The following GPC6 variants were observed in gnomAD, a reference collection of about 807,000 sequenced individuals.
The protein encoded by GPC6 is glypican 6, also known as glypican-6.
A neutral mutation model predicts 55.2 loss-of-function variants in GPC6; 14 were observed. That is an observed-to-expected ratio of 0.25 (90% confidence interval 0.17 to 0.40). GPC6 has a LOEUF of 0.40. Among genes scored for constraint, GPC6 ranks in the 10% least tolerant of loss-of-function variants. The pLI, the probability that GPC6 is intolerant of heterozygous loss-of-function variation, is 1.00. For synonymous variants in GPC6, 278 were observed against 259.6 expected (o/e 1.07, Z -0.68); for missense variants, 641 against 708.5 (o/e 0.90, Z 1.08).
chr13:93,924,262 G>C (rs1877731624), intron 3 of GPC6, among the ~76,000 whole-genome samples: 1 of 152,182 alleles, frequency 6.6e-6, no homozygotes, highest in Non-Finnish European at 1.5e-5. Context: ...TCCCAGCTCT[G>C]TGGCTGCTGG....
At chr13:93,441,418 T>A (rs1051106990) in intron 1 of GPC6, among the ~76,000 whole-genome samples, 5 of 152,172 alleles carry the variant, frequency 3.3e-5, no homozygotes, top group African/African-American at 1.2e-4. Flanking sequence ...CTCATTGTGG[T>A]TTTGATTTGC....
At chr13:94,051,917 G>C (rs997006599) in intron 4 of GPC6, among the ~76,000 whole-genome samples, 1 of 152,038 alleles carries the variant, frequency 6.6e-6, no homozygotes, top group East Asian at 1.9e-4. Flanking sequence ...AAAGTGTTTT[G>C]ATTCAACAAT....
intron 2 of GPC6, among the ~76,000 whole-genome samples, chr13:93,714,722 A>T (rs1167289145): frequency 2.6e-5 from 4 of 151,658 alleles, no homozygotes; most frequent in Non-Finnish European, 5.9e-5. Context: ...AGTAAAGTTT[A>T]TTGGAGTGCT....
chr13:93,233,472 T>A (rs1876131150), intron 1 of GPC6, among the ~76,000 whole-genome samples: 1 of 152,206 alleles, frequency 6.6e-6, no homozygotes, highest in Non-Finnish European at 1.5e-5. Flanking sequence ...ATTGTATACC[T>A]ACTATGGGTA....
intron 4 of GPC6, among the ~76,000 whole-genome samples, chr13:94,267,111 A>G (rs1891843119): frequency 6.6e-6 from 1 of 152,186 alleles, no homozygotes; most frequent in African/African-American, 2.4e-5. Flanking sequence ...ACCAACAACA[A>G]AAATGGAAGT....
chr13:93,980,410 A>G (rs1374385866), intron 3 of GPC6, among the ~76,000 whole-genome samples: 4 of 152,278 alleles, frequency 2.6e-5, no homozygotes, highest in African/African-American at 9.6e-5. Context: ...TAGGCAAAAA[A>G]TGGTAATAAA....
At chr13:93,576,116 G>T (rs1037087850) in intron 2 of GPC6, among the ~76,000 whole-genome samples, 11 of 152,000 alleles carry the variant, frequency 7.2e-5, no homozygotes. Context: ...AGAACAACAT[G>T]AATGCAATTG....
Position 94,321,422 on chromosome 13 carries a change from G to A in GPC6, c.1152+15299G>A, listed in dbSNP as rs889049505. ...GGTAGAATGATTTGTATTCCTTTGG[G>A]AACATACCTAGTAATGGGATTGCTG... On this transcript the variant is annotated intron_variant, in intron 6 of 8. Coordinates refer to ENST00000377047, the MANE Select transcript of GPC6 (RefSeq NM_005708.5). Among the ~76,000 whole-genome samples the A allele has an allele frequency of 3.9e-5, 6 of 152,122 alleles. No homozygotes were observed. In the East Asian group the frequency reaches 1.2e-3, roughly 29 times the overall value.
chr13:93,225,461 G>A (rs538193794), upstream of GPC6, among the ~76,000 whole-genome samples: 2 of 151,582 alleles, frequency 1.3e-5, no homozygotes, highest in East Asian at 1.9e-4. Context: ...AGTGTGTTGC[G>A]TTTTCAGAAA....
At chr13:93,856,631 T>A (rs896557387) in intron 3 of GPC6, among the ~76,000 whole-genome samples, 5 of 151,810 alleles carry the variant, frequency 3.3e-5, no homozygotes, top group African/African-American at 1.2e-4. Flanking sequence ...GATATCCTGA[T>A]GCCTGAACTA....
chr13:93,382,498 A>G (rs982825693), intron 1 of GPC6, among the ~76,000 whole-genome samples: 1 of 152,114 alleles, frequency 6.6e-6, no homozygotes, highest in Non-Finnish European at 1.5e-5. Flanking sequence ...TTTAAGATTT[A>G]TATTATTATT....
intron 6 of GPC6, among the ~76,000 whole-genome samples, chr13:94,345,846 G>T (rs754448941): frequency 1.3e-5 from 2 of 152,200 alleles, no homozygotes; most frequent in Non-Finnish European, 2.9e-5. Context: ...GAAATGTATT[G>T]TCTCAGTTCT....
At chr13:94,227,116 G>A (rs1324598811) in intron 4 of GPC6, among the ~76,000 whole-genome samples, 1 of 152,168 alleles carries the variant, frequency 6.6e-6, no homozygotes, top group African/African-American at 2.4e-5. Context: ...GGATTTTGTA[G>A]TCAACAAAAC....
chr13:94,047,361 TG>T (rs1883769210), intron 4 of GPC6, among the ~76,000 whole-genome samples: 1 of 152,088 alleles, frequency 6.6e-6, no homozygotes, highest in South Asian at 2.1e-4. Context: ...CTGAATACAC[TG>T]AGTAGAGAAT....
intron 1 of GPC6, among the ~76,000 whole-genome samples, chr13:93,483,377 A>G (rs1482490640): frequency 6.6e-6 from 1 of 152,188 alleles, no homozygotes; most frequent in Admixed American, 6.6e-5. Context: ...GCTTTTAACT[A>G]GATAAGTACT....
intron 2 of GPC6, among the ~76,000 whole-genome samples, chr13:93,817,110 G>GA: frequency 6.6e-6 from 1 of 152,164 alleles, no homozygotes; most frequent in East Asian, 1.9e-4. Flanking sequence ...AGGCTGCCTG[G>GA]ATTTGGAATC....
chr13:94,265,145 C>T (rs75114035), intron 4 of GPC6, among the ~76,000 whole-genome samples: 4,518 of 152,040 alleles, frequency 0.03, 211 homozygotes, highest in East Asian at 0.21. Flanking sequence ...CAGGAGAATC[C>T]GGTGGTTAGA....
intron 2 of GPC6, among the ~76,000 whole-genome samples, chr13:93,735,458 A>G (rs988345359): frequency 6.6e-6 from 1 of 151,406 alleles, no homozygotes; most frequent in Non-Finnish European, 1.5e-5. Context: ...ACTTGAACCT[A>G]GTAGGTGGGG....
intron 1 of GPC6, among the ~76,000 whole-genome samples, chr13:93,488,544 C>A (rs1039513578): frequency 6.6e-6 from 1 of 152,198 alleles, no homozygotes. Context: ...GGAGTCGCCA[C>A]ACTGTCTTCC....
Sources: gnomAD v4.1 joint callset for allele counts (sites outside exome capture counted in the v4.1 genomes callset) on GRCh38, gnomAD v4.1.1 for gene constraint, MANE v1.5 for transcripts, NCBI Gene and HGNC (gene_info 2026-07-23, HGNC 2026-07-21) for gene names.